The following TCF7 variants were observed in gnomAD, a reference collection of about 807,000 sequenced individuals.
The protein encoded by TCF7 is T-cell-factor-7.
Under a neutral mutation model 46.8 loss-of-function variants are expected in TCF7, and 19 were observed. The ratio of observed to expected loss-of-function variants is 0.41; its 90% confidence interval spans 0.28 to 0.60. TCF7 has a LOEUF of 0.60. TCF7 is among the 20% of genes least tolerant of loss of function. The probability of loss-of-function intolerance (pLI) is 0.35; values close to 1 mark genes in which losing one functional copy is unlikely to be tolerated. For missense variants in TCF7, 547 were observed against 504.6 expected, an observed-to-expected ratio of 1.08 and a Z score of -0.81; for synonymous variants, 245 against 213.4, an observed-to-expected ratio of 1.15 and a Z score of -1.29.
At chr5:134,109,568 G>T in the TCF7 span, among the ~76,000 whole-genome samples, 3 of 152,094 alleles carry the variant, frequency 2.0e-5, no homozygotes, top group Non-Finnish European at 4.4e-5. Context: ...TCAGGAGTTC[G>T]AGACCAGCAT....
At chr5:134,115,681 T>C (rs954430178) in intron 2 of TCF7, 1 of 1,424,510 alleles carries the variant, frequency 7.0e-7, no homozygotes, top group East Asian at 2.6e-5. Context: ...CAAGGTTTCT[T>C]GGTTGGAGGG....
At chr5:134,109,424 G>C in the TCF7 span, among the ~76,000 whole-genome samples, 2 of 152,140 alleles carry the variant, frequency 1.3e-5, no homozygotes, top group Non-Finnish European at 2.9e-5. Flanking sequence ...GACGCCGCTT[G>C]TCTCTCACCT....
intron 9 of TCF7, 71 bp downstream of exon 9, chr5:134,143,711 C>T: frequency 6.3e-7 from 1 of 1,587,940 alleles, no homozygotes; most frequent in Non-Finnish European, 8.6e-7. Context: ...CCTCCTCTGA[C>T]CCAAAGGGAG....
intron 3 of TCF7, among the ~76,000 whole-genome samples, chr5:134,124,346 C>A (rs539739011): frequency 1.3e-5 from 2 of 152,374 alleles, no homozygotes; most frequent in South Asian, 4.1e-4. Flanking sequence ...CACAAGCTGT[C>A]TACAGCCTGG....
In TCF7 at chr5:134,135,424, G is replaced by C. The variant is rs144395952; in HGVS notation, c.442-2635G>C. Among the ~76,000 whole-genome samples the C allele has an allele frequency of 7.2e-5, 11 of 152,308 alleles. No individual in the cohort carries two copies. In the East Asian group the frequency reaches 1.9e-3, roughly 27 times the overall value. The stretch of plus-strand genomic sequence containing the variant: ...AGGAGGGAGCTGCTGCAGTCATCCA[G>C]GTGCAAAGTGATGGTGGCTTGGACT... On this transcript the variant is annotated intron_variant, in intron 3 of 9. Transcript: ENST00000342854.
At chr5:134,125,720 T>C (rs1757256255) in intron 3 of TCF7, among the ~76,000 whole-genome samples, 1 of 152,226 alleles carries the variant, frequency 6.6e-6, no homozygotes, top group Non-Finnish European at 1.5e-5. Context: ...GGGAGGGTGC[T>C]AGTCTGGTGT....
chr5:134,113,197 T>A (rs533050694), upstream of TCF7, among the ~76,000 whole-genome samples: 8 of 152,256 alleles, frequency 5.3e-5, no homozygotes, highest in South Asian at 1.7e-3. Flanking sequence ...TGGGGAGACC[T>A]AATGGGCAGG....
At chr5:134,120,392 G>A (rs548240994) in intron 3 of TCF7, among the ~76,000 whole-genome samples, 4 of 152,072 alleles carry the variant, frequency 2.6e-5, no homozygotes, top group African/African-American at 4.8e-5. Context: ...ATGAGACCCC[G>A]CATCAGCTTC....
chr5:134,109,663 G>C, the TCF7 span, among the ~76,000 whole-genome samples: 4 of 151,982 alleles, frequency 2.6e-5, no homozygotes, highest in African/African-American at 9.7e-5. Context: ...CCAGCTACTG[G>C]GTAGGCTGAG....
chr5:134,142,654 G>A, intron 6 of TCF7, 67 bp from the exon 7 acceptor site: 1 of 1,587,234 alleles, frequency 6.3e-7, no homozygotes, highest in Non-Finnish European at 8.6e-7. Context: ...GCCCACGCTA[G>A]AGGAGGAGGC....
In TCF7 at chr5:134,139,103, C is replaced by G. The variant is rs1460702487; in HGVS notation, c.635+65C>G. The G allele has an allele frequency of 3.2e-6, 5 of 1,582,544 alleles. No individual in the cohort carries two copies. In the African/African-American group the frequency reaches 6.8e-5, roughly 21 times the overall value. On this transcript the variant is annotated intron_variant, in intron 5 of 9. Coordinates refer to ENST00000342854, the MANE Select transcript of TCF7 (RefSeq NM_003202.5). ...GTCAGACCAAGACCTGCCTGCCCTT[C>G]CATTTCCTCCTCCATCCCTCTTGGC...
chr5:134,109,989 C>T (rs181394214), upstream of TCF7, among the ~76,000 whole-genome samples: 2 of 152,306 alleles, frequency 1.3e-5, no homozygotes, highest in African/African-American at 2.4e-5. Flanking sequence ...CCTTCGCTGT[C>T]GCCACCTTGG....
the TCF7 span, among the ~76,000 whole-genome samples, chr5:134,108,398 A>G: frequency 1.3e-5 from 2 of 152,196 alleles, no homozygotes; most frequent in African/African-American, 4.8e-5. Flanking sequence ...GTGAGAATCC[A>G]TTTGGGCAGG....
chr5:134,142,124 G>T (rs1759890082), intron 5 of TCF7, 61 bp from the exon 6 acceptor site: 1 of 1,610,516 alleles, frequency 6.2e-7, no homozygotes, highest in South Asian at 1.1e-5. Flanking sequence ...GGGCCTCTGT[G>T]TGTGTCCAAA....
chr5:134,138,097 C>G lies in TCF7; in HGVS notation c.480C>G (p.Leu160=), dbSNP rs747124527. ...AGCCCCCCCACGGTGTCCCCCAACT[C>G]TCTCTCTACGAACATTTCAACAGCC... ...ANQPPHGVPQ[L]SLYEHFNSPH... Residue 160 remains leucine, a synonymous_variant, in exon 4 of 10, where the codon CTC becomes CTG. Transcript: ENST00000342854. 2.5e-6 allele frequency: 4 copies of G among 1,612,156 alleles called. 1 individual carries two copies. In the South Asian group the frequency reaches 4.4e-5, roughly 18 times the overall value.
chr5:134,137,931 C>A (rs1241615934), intron 3 of TCF7, 128 bp from the exon 4 acceptor site: 2 of 703,528 alleles, frequency 2.8e-6, no homozygotes, highest in East Asian at 5.8e-5. Context: ...AGTGGTACCC[C>A]CTTCGCTGAG....
At chr5:134,134,736 G>A (rs376489724) in intron 3 of TCF7, among the ~76,000 whole-genome samples, 6 of 152,184 alleles carry the variant, frequency 3.9e-5, no homozygotes, top group African/African-American at 1.4e-4. Flanking sequence ...GGATGAGACT[G>A]GCCCAGGATC....
At chr5:134,124,001 GCT>G (rs1756981329) in intron 3 of TCF7, among the ~76,000 whole-genome samples, 1 of 152,106 alleles carries the variant, frequency 6.6e-6, no homozygotes, top group Non-Finnish European at 1.5e-5. Context: ...TGACCCTCAT[GCT>G]CTCTCGGGGT....
intron 3 of TCF7, among the ~76,000 whole-genome samples, chr5:134,116,510 G>A (rs1363647947): frequency 6.6e-6 from 1 of 152,242 alleles, no homozygotes; most frequent in Non-Finnish European, 1.5e-5. Context: ...GCTGTGTTCG[G>A]TCGGCTGTGT....
Sources: gnomAD v4.1 joint callset for allele counts (sites outside exome capture counted in the v4.1 genomes callset) on GRCh38, gnomAD v4.1.1 for gene constraint, MANE v1.5 for transcripts, NCBI Gene and HGNC (gene_info 2026-07-23, HGNC 2026-07-21) for gene names.